Variants in YAP1 observed in about 807,000 individuals in gnomAD.
YAP1 encodes Yes1 associated transcriptional regulator.
Under a neutral mutation model 56.9 loss-of-function variants are expected in YAP1, and 5 were observed. The ratio of observed to expected loss-of-function variants is 0.09; its 90% confidence interval spans 0.05 to 0.18. The LOEUF (loss-of-function observed/expected upper bound fraction) is 0.18, where lower values mean the gene tolerates loss of function less well. YAP1 is among the 10% of genes least tolerant of loss of function. The pLI, the probability that YAP1 is intolerant of heterozygous loss-of-function variation, is 1.00. For synonymous variants in YAP1, 265 were observed against 248.1 expected (o/e 1.07, Z -0.64); for missense variants, 539 against 651.8 (o/e 0.83, Z 1.88).
At position 102,197,697 on chromosome 11, in the gene YAP1, A is replaced by G. The variant is rs1411572711; in HGVS notation, c.803-8196A>G. ...ACTCTAAATTTTAAAATATTGCATA[A>G]TTTTTAAAATTCTGACATTTTGTGG... is the stretch of plus-strand genomic sequence containing the variant. On this transcript the variant is annotated intron_variant, in intron 4 of 8. Transcript: ENST00000282441. 2.6e-5 allele frequency among the ~76,000 whole-genome samples: 4 copies of G among 152,182 alleles called. No homozygotes were observed. The East Asian group carries it at 7.7e-4, about 29-fold the overall frequency.
At chr11:102,173,374 T>A (rs1947034833) in intron 3 of YAP1, among the ~76,000 whole-genome samples, 1 of 152,204 alleles carries the variant, frequency 6.6e-6, no homozygotes, top group Admixed American at 6.6e-5. Context: ...AGGGGTCTTC[T>A]GCTATGGTTT....
At chr11:102,178,194 G>A (rs1037867752) in intron 3 of YAP1, among the ~76,000 whole-genome samples, 2 of 152,134 alleles carry the variant, frequency 1.3e-5, no homozygotes, top group Non-Finnish European at 2.9e-5. Flanking sequence ...ATAAATACAC[G>A]AGACCAGAAT....
At chr11:102,171,086 CT>C (rs752626748) in intron 3 of YAP1, among the ~76,000 whole-genome samples, 18 of 151,900 alleles carry the variant, frequency 1.2e-4, no homozygotes, top group Non-Finnish European at 2.4e-4. Flanking sequence ...TTCAACTTTT[CT>C]TCAGTGATTA....
rs1311184747 is a variant in YAP1, at chr11:102,231,132, A to G, written c.*1192A>G. 6.6e-6 allele frequency: 1 copy of G among 152,218 alleles called. No homozygotes were observed. Among genetic ancestry groups the G allele is most frequent in the Admixed American group, 6.5e-5 (1 of 15,278 alleles). The allele number at this position is 152,218 out of a possible 1,614,324, so 9.4% of individuals were successfully genotyped here. A position where few individuals can be genotyped will look rare whatever the true frequency, so the allele number is the denominator to read the frequency against. ...TCCACGCCCTCTGGGCATACGGTAG[A>G]TATTATCTGATGAATTGGAAAGGAG... On this transcript the variant is annotated 3_prime_UTR_variant, in exon 9 of 9. Transcript: ENST00000282441.
At chr11:102,139,627 C>G (rs1280100562) in intron 2 of YAP1, among the ~76,000 whole-genome samples, 1 of 152,110 alleles carries the variant, frequency 6.6e-6, no homozygotes, top group Non-Finnish European at 1.5e-5. Flanking sequence ...TACAATGATT[C>G]CCCCATCCCC....
chr11:102,182,183 G>T (rs775145103), intron 3 of YAP1, among the ~76,000 whole-genome samples: 12 of 152,162 alleles, frequency 7.9e-5, no homozygotes, highest in Non-Finnish European at 1.8e-4. Context: ...GAATTTTCAG[G>T]CCTGCTGAAT....
At chr11:102,163,349 C>T (rs574563852) in intron 3 of YAP1, among the ~76,000 whole-genome samples, 2 of 152,272 alleles carry the variant, frequency 1.3e-5, no homozygotes, top group South Asian at 4.1e-4. Context: ...GCCCCTTCAT[C>T]TTCCTTATCA....
chr11:102,165,804 C>G (rs576597586), intron 3 of YAP1, among the ~76,000 whole-genome samples: 1 of 152,260 alleles, frequency 6.6e-6, no homozygotes, highest in South Asian at 2.1e-4. Context: ...CAGAGCGAAG[C>G]CTCCGATAAA....
At position 102,213,985 on chromosome 11, in the gene YAP1, G is replaced by C. The variant is rs1008925258; in HGVS notation, c.1032+4421G>C. On this transcript the variant is annotated intron_variant, in intron 6 of 8. Coordinates refer to ENST00000282441, the MANE Select transcript of YAP1 (RefSeq NM_001130145.3). ...CCCAGCTACTCAGGAGGCTGAGGTG[G>C]GAGGATGGCCTGAGTCTGGGAGGCA... 2.6e-5 allele frequency among the ~76,000 whole-genome samples: 4 copies of C among 152,212 alleles called. No homozygotes were observed. In the South Asian group the frequency reaches 6.2e-4, roughly 24 times the overall value.
chr11:102,161,863 A>AT, intron 2 of YAP1, among the ~76,000 whole-genome samples: 1 of 152,326 alleles, frequency 6.6e-6, no homozygotes, highest in South Asian at 2.1e-4. Flanking sequence ...TAAGTTAACA[A>AT]TTATGTAGAA....
intron 2 of YAP1, among the ~76,000 whole-genome samples, chr11:102,128,676 A>G (rs1030778793): frequency 6.6e-6 from 1 of 152,242 alleles, no homozygotes; most frequent in Non-Finnish European, 1.5e-5. Flanking sequence ...TAAAGGGAGA[A>G]TTACAGCTGT....
At chr11:102,197,713 C>G (rs1471749561) in intron 4 of YAP1, among the ~76,000 whole-genome samples, 2 of 152,046 alleles carry the variant, frequency 1.3e-5, no homozygotes, top group African/African-American at 4.8e-5. Flanking sequence ...AAAATTCTGA[C>G]ATTTTGTGGG....
intron 4 of YAP1, among the ~76,000 whole-genome samples, chr11:102,198,125 G>A (rs1385720341): frequency 6.6e-6 from 1 of 152,196 alleles, no homozygotes; most frequent in Non-Finnish European, 1.5e-5. Flanking sequence ...ACTCACAATA[G>A]TCATCAGAGT....
chr11:102,196,628 T>C (rs1948587681), intron 4 of YAP1, among the ~76,000 whole-genome samples: 1 of 142,486 alleles, frequency 7.0e-6, no homozygotes, highest in African/African-American at 2.6e-5. Flanking sequence ...TTTTGTGACT[T>C]TTTTTTTTTT....
At chr11:102,162,418 G>T in intron 2 of YAP1, 38 bp from the exon 3 acceptor site, 8 of 1,570,622 alleles carry the variant, frequency 5.1e-6, no homozygotes, top group Non-Finnish European at 7.0e-6. Flanking sequence ...TTGGAACCTG[G>T]TATTTGTTTC....
In YAP1 at chr11:102,181,613, T is replaced by TA. The variant is rs554834404; in HGVS notation, c.689-4396dup. 4.5e-3 allele frequency among the ~76,000 whole-genome samples: 674 copies of TA among 151,282 alleles called. 7 individuals carry two copies. Among genetic ancestry groups the TA allele is most frequent in the Non-Finnish European group, 7.5e-3 (508 of 67,742 alleles). ...TCTCTCAAAATAAATAAATAAAATT[T>TA]AAAAAAAAACGTACTGCCCTTGTGG... is the stretch of plus-strand genomic sequence containing the variant. On this transcript the variant is annotated intron_variant, in intron 3 of 8. Transcript: ENST00000282441.
intron 4 of YAP1, among the ~76,000 whole-genome samples, chr11:102,205,239 T>C (rs544774936): frequency 4.6e-4 from 70 of 152,218 alleles, no homozygotes; most frequent in African/African-American, 1.6e-3. Flanking sequence ...CAGATACTTG[T>C]GGACTCAATT....
chr11:102,179,591 T>C (rs1003185110), intron 3 of YAP1, among the ~76,000 whole-genome samples: 1 of 152,186 alleles, frequency 6.6e-6, no homozygotes, highest in Admixed American at 6.5e-5. Flanking sequence ...TGGCTAGGAG[T>C]GCATTTAGGT....
Position 102,159,996 on chromosome 11 carries a change from C to CA in YAP1, c.573-2456dup, listed in dbSNP as rs559969879. On this transcript the variant is annotated intron_variant, in intron 2 of 8. Coordinates refer to ENST00000282441, the MANE Select transcript of YAP1 (RefSeq NM_001130145.3). ...ATCTATATTAAATTTGTATAGCTGA[C>CA]AAAACCTGATTTACATAAAGGATTT... Among the ~76,000 whole-genome samples, 4 of 145,574 alleles carry CA rather than the reference C, an allele frequency of 2.7e-5. No individual in the cohort carries two copies. In the South Asian group the frequency reaches 8.6e-4, roughly 31 times the overall value.
Sources: gnomAD v4.1 joint callset for allele counts (sites outside exome capture counted in the v4.1 genomes callset) on GRCh38, gnomAD v4.1.1 for gene constraint, MANE v1.5 for transcripts, NCBI Gene and HGNC (gene_info 2026-07-23, HGNC 2026-07-21) for gene names.